The following LRRC49 variants were observed in gnomAD, a reference collection of about 807,000 sequenced individuals.
The protein encoded by LRRC49 is leucine-rich repeat-containing protein 49.
A neutral mutation model predicts 83.3 loss-of-function variants in LRRC49; 50 were observed. The observed-to-expected ratio is 0.60, with a 90% CI of 0.48 to 0.76. The LOEUF (loss-of-function observed/expected upper bound fraction) is 0.76. Among genes scored for constraint, LRRC49 ranks in the 30% least tolerant of loss-of-function variants. The pLI is 0.00. For synonymous variants in LRRC49, 286 were observed against 283.3 expected (o/e 1.01, Z -0.10); for missense variants, 704 against 809.1 (o/e 0.87, Z 1.58).
chr15:70,858,806 C>T (rs534781303), intron 1 of LRRC49: 12 of 823,162 alleles, frequency 1.5e-5, no homozygotes, highest in Admixed American at 5.7e-5. Context: ...GCCCAGTGCC[C>T]GCATCAGCAC....
In LRRC49 at chr15:71,052,954, A is replaced by C. The variant is rs2040011502; in HGVS notation, c.*3342A>C. 6.6e-6 allele frequency: 1 copy of C among 152,232 alleles called. No homozygotes were observed. Among genetic ancestry groups the C allele is most frequent in the Non-Finnish European group, 1.5e-5 (1 of 68,044 alleles). The allele number at this position is 152,232 out of a possible 1,614,324, so 9.4% of individuals were successfully genotyped here. On this transcript the variant is annotated 3_prime_UTR_variant, in exon 16 of 16. Transcript: ENST00000260382. The stretch of plus-strand genomic sequence containing the variant: ...ATTTCTCAACTGTGTCTACATGTGA[A>C]GCATATCGTAGACATTATGTGCGGT...
At chr15:70,964,406 G>A (rs1399496015) in intron 9 of LRRC49, among the ~76,000 whole-genome samples, 2 of 152,058 alleles carry the variant, frequency 1.3e-5, no homozygotes, top group Non-Finnish European at 2.9e-5. Context: ...TTGTCGCGAA[G>A]ATGAAATAAA....
rs917152667 is a variant in LRRC49 at position 70,854,237 on chromosome 15, GCGC to G, written c.-299+794_-299+796del. On this transcript the variant is annotated intron_variant, in intron 1 of 16. Coordinates refer to the LRRC49 transcript ENST00000544974. ...GACAGGGGTCGCGGCGCCCCGCCCCGCGCCGCCGCCGCCGCCGCCGCCGCCGCC... is the reference window on the plus strand; with the variant it reads ...GACAGGGGTCGCGGCGCCCCGCCCCGCGCCGCCGCCGCCGCCGCCGCCGCC... 642 of 385,734 alleles carry G rather than the reference GCGC, an allele frequency of 1.7e-3. 2 individuals are homozygous for G. The highest frequency in any genetic ancestry group is 5.6e-3 in the African/African-American group (254 of 45,062). The allele number at this position is 385,734 out of a possible 1,614,324, so 23.9% of individuals were successfully genotyped here. A position where few individuals can be genotyped will look rare whatever the true frequency, so the allele number is the denominator to read the frequency against.
chr15:70,981,950 C>G (rs2141223788), intron 10 of LRRC49, among the ~76,000 whole-genome samples: 1 of 149,216 alleles, frequency 6.7e-6, no homozygotes, highest in East Asian at 2.0e-4. Context: ...GTCCTCCTGG[C>G]CAGCCATTAA....
chr15:71,003,744 G>A (rs142546061), intron 11 of LRRC49, among the ~76,000 whole-genome samples: 68 of 152,236 alleles, frequency 4.5e-4, no homozygotes, highest in Admixed American at 9.2e-4. Context: ...CAAGCAAACT[G>A]AAACTCAAAG....
At chr15:71,008,195 T>G (rs533788449) in intron 11 of LRRC49, among the ~76,000 whole-genome samples, 184 bp from the exon 12 acceptor site, 2 of 152,038 alleles carry the variant, frequency 1.3e-5, no homozygotes, top group South Asian at 4.2e-4. Context: ...TAAATTAAAA[T>G]ATATGATTAG....
intron 2 of LRRC49, chr15:70,882,043 C>G (rs1445633967): frequency 6.3e-6 from 1 of 159,402 alleles, no homozygotes; most frequent in Non-Finnish European, 1.4e-5. Flanking sequence ...CTCACTGTTA[C>G]TGTGTTACTG....
intron 15 of LRRC49, among the ~76,000 whole-genome samples, chr15:71,046,861 T>C (rs975465743): frequency 2.0e-5 from 3 of 152,234 alleles, no homozygotes; most frequent in Non-Finnish European, 4.4e-5. Flanking sequence ...TTAATGTTTG[T>C]ATATGGTGAA....
intron 8 of LRRC49, among the ~76,000 whole-genome samples, chr15:70,939,263 C>T (rs2035715507): frequency 6.6e-6 from 1 of 152,140 alleles, no homozygotes; most frequent in Non-Finnish European, 1.5e-5. Flanking sequence ...ACTACAGCCT[C>T]TTCAGCATCT....
At chr15:71,031,951 G>A (rs1043798883) in intron 14 of LRRC49, among the ~76,000 whole-genome samples, 1 of 152,184 alleles carries the variant, frequency 6.6e-6, no homozygotes, top group Admixed American at 6.5e-5. Flanking sequence ...GGGACCCACT[G>A]AGTGAGACCA....
At chr15:71,019,527 A>G (rs1355246851) in intron 14 of LRRC49, among the ~76,000 whole-genome samples, 2 of 152,212 alleles carry the variant, frequency 1.3e-5, no homozygotes, top group African/African-American at 4.8e-5. Context: ...GATGGAAATC[A>G]AAGCCCAGGG....
rs564818680 is a variant in LRRC49 at position 71,012,749 on chromosome 15, T to C, written c.1594-55T>C. 4.2e-6 allele frequency: 4 copies of C among 946,870 alleles called. No individual in the cohort carries two copies. In the East Asian group the frequency reaches 7.2e-5, roughly 17 times the overall value. 58.7% of individuals were successfully genotyped at this position (946,870 alleles called of 1,614,324 possible). A position where few individuals can be genotyped will look rare whatever the true frequency, so the allele number is the denominator to read the frequency against. On this transcript the variant is annotated intron_variant, in intron 13 of 15. Coordinates refer to ENST00000260382, the MANE Select transcript of LRRC49 (RefSeq NM_017691.5). ...TCTCTCTTTGGGATTATATCAGTTTTATTCAGCTAAGAGTTGGTGTCATTT... is the reference window on the plus strand; with the variant it reads ...TCTCTCTTTGGGATTATATCAGTTTCATTCAGCTAAGAGTTGGTGTCATTT...
chr15:70,894,794 G>A (rs760989148), intron 2 of LRRC49: 6 of 259,622 alleles, frequency 2.3e-5, no homozygotes, highest in Non-Finnish European at 3.8e-5. Context: ...GAAGGACATC[G>A]TTAGTCAAGG....
intron 2 of LRRC49, among the ~76,000 whole-genome samples, chr15:70,895,152 G>A (rs1286148003): frequency 1.3e-5 from 2 of 152,092 alleles, no homozygotes; most frequent in Non-Finnish European, 2.9e-5. Context: ...TACATTAGAA[G>A]TATCTTAATT....
chr15:71,032,800 A>G (rs1228727311), intron 14 of LRRC49, among the ~76,000 whole-genome samples: 2 of 152,236 alleles, frequency 1.3e-5, no homozygotes, highest in East Asian at 3.8e-4. Flanking sequence ...GGCCATTAAT[A>G]AAATTTGACA....
intron 14 of LRRC49, among the ~76,000 whole-genome samples, chr15:71,026,735 T>A (rs1236537085): frequency 1.3e-5 from 2 of 152,252 alleles, no homozygotes; most frequent in Non-Finnish European, 2.9e-5. Context: ...CACATAAATG[T>A]CTTCTTTTGA....
chr15:70,885,630 T>G (rs528956615), intron 2 of LRRC49, among the ~76,000 whole-genome samples: 119 of 152,326 alleles, frequency 7.8e-4, no homozygotes, highest in African/African-American at 2.7e-3. Context: ...GTTGCTATAT[T>G]AGCACTACAT....
At chr15:70,944,216 C>G (rs1052014911) in intron 8 of LRRC49, among the ~76,000 whole-genome samples, 3 of 152,162 alleles carry the variant, frequency 2.0e-5, no homozygotes, top group African/African-American at 7.2e-5. Flanking sequence ...TTCTCCCCTC[C>G]AGGACGGAAA....
chr15:70,875,290 AAATG>A (rs1216272129), intron 2 of LRRC49, among the ~76,000 whole-genome samples: 3 of 152,194 alleles, frequency 2.0e-5, no homozygotes, highest in African/African-American at 4.8e-5. Context: ...CTATTGACTA[AAATG>A]AGAGGCCACA....
Sources: gnomAD v4.1 joint callset for allele counts (sites outside exome capture counted in the v4.1 genomes callset) on GRCh38, gnomAD v4.1.1 for gene constraint, MANE v1.5 for transcripts, NCBI Gene and HGNC (gene_info 2026-07-23, HGNC 2026-07-21) for gene names.